The following CNTNAP5 variants were observed in gnomAD, a reference collection of about 807,000 sequenced individuals.
CNTNAP5 encodes contactin-associated protein-like 5.
CNTNAP5 carries 72 observed loss-of-function variants against 150.2 expected under a neutral mutation model. That is an observed-to-expected ratio of 0.48 (90% confidence interval 0.40 to 0.58). The LOEUF is 0.58. Among genes scored for constraint, CNTNAP5 ranks in the 20% least tolerant of loss-of-function variants. The pLI is 0.00. For synonymous variants in CNTNAP5, 672 were observed against 619.8 expected (o/e 1.08, Z -1.25); for missense variants, 1,636 against 1,626.2 (o/e 1.01, Z -0.10).
rs1558827798 is a variant in CNTNAP5, at chr2:124,920,954, C to G, written c.*6666C>G. On this transcript the variant is annotated 3_prime_UTR_variant, in exon 24 of 24. Transcript: ENST00000682447. ...ATGGTAAAAGCACAAAACAGGTCAT[C>G]TTTTTGTGGAAATGCTGGAGTCTAC... Among the ~76,000 whole-genome samples the G allele has an allele frequency of 1.3e-5, 2 of 152,082 alleles. No individual in the cohort carries two copies.
intron 13 of CNTNAP5, among the ~76,000 whole-genome samples, chr2:124,741,866 C>T (rs1007779013): frequency 6.6e-6 from 1 of 152,134 alleles, no homozygotes; most frequent in Non-Finnish European, 1.5e-5. Context: ...ACATTCCCTC[C>T]CCAAACTTAC....
At chr2:124,245,623 G>GTA (rs1211889157) in intron 3 of CNTNAP5, among the ~76,000 whole-genome samples, 2 of 150,244 alleles carry the variant, frequency 1.3e-5, no homozygotes, top group Admixed American at 6.7e-5. Flanking sequence ...GCATGTGTGT[G>GTA]TATATATATG....
At chr2:124,698,375 T>TACACACACACACACAC (rs59897587) in intron 13 of CNTNAP5, among the ~76,000 whole-genome samples, 1,474 of 147,378 alleles carry the variant, frequency 0.01, 11 homozygotes, top group African/African-American at 0.021. Flanking sequence ...GACGAGAGGA[T>TACACACACACACACAC]ACACACACAC....
chr2:124,837,453 G>A (rs146847093), intron 19 of CNTNAP5, among the ~76,000 whole-genome samples: 1 of 152,162 alleles, frequency 6.6e-6, no homozygotes, highest in Non-Finnish European at 1.5e-5. Context: ...TCCAACATTG[G>A]CGAAAATAAT....
intron 19 of CNTNAP5, among the ~76,000 whole-genome samples, chr2:124,808,235 T>G (rs763331599): frequency 2.0e-5 from 3 of 152,180 alleles, no homozygotes; most frequent in Non-Finnish European, 4.4e-5. Context: ...TTACATGTGA[T>G]AAATGTATGT....
intron 10 of CNTNAP5, among the ~76,000 whole-genome samples, chr2:124,535,606 C>CAA (rs1168717177): frequency 0.27 from 20,302 of 75,740 alleles, 2,070 homozygotes; most frequent in Non-Finnish European, 0.34. Flanking sequence ...TACTGAAATA[C>CAA]AAAAAAAAAA....
chr2:124,124,439 G>T (rs1309838931), intron 1 of CNTNAP5, among the ~76,000 whole-genome samples: 2 of 152,216 alleles, frequency 1.3e-5, no homozygotes, highest in African/African-American at 4.8e-5. Flanking sequence ...ACGTCTGATT[G>T]GTGTACCTAA....
intron 8 of CNTNAP5, among the ~76,000 whole-genome samples, chr2:124,517,176 T>TGTTGTGGTGTTGGTGGTGGAGG (rs1294769142): frequency 7.2e-6 from 1 of 139,094 alleles, no homozygotes; most frequent in Non-Finnish European, 1.6e-5. Context: ...GGTGATGGAG[T>TGTTGTGGTGTTGGTGGTGGAGG]GTTGTGGTGT....
intron 12 of CNTNAP5, among the ~76,000 whole-genome samples, chr2:124,637,496 G>A (rs186897037): frequency 8.5e-5 from 13 of 152,270 alleles, no homozygotes; most frequent in Admixed American, 5.9e-4. Context: ...GATGCTTCTC[G>A]CTATCATTTG....
chr2:124,054,872 C>T (rs1681803083), intron 1 of CNTNAP5, among the ~76,000 whole-genome samples: 1 of 152,158 alleles, frequency 6.6e-6, no homozygotes, highest in African/African-American at 2.4e-5. Context: ...ATTATTCCAG[C>T]TAGCAGGGCA....
chr2:124,912,071 C>A (rs965085861), intron 23 of CNTNAP5, among the ~76,000 whole-genome samples: 5 of 152,030 alleles, frequency 3.3e-5, no homozygotes, highest in African/African-American at 1.2e-4. Context: ...CTCAGCTCTC[C>A]TGCTTTTCCA....
In CNTNAP5 at chr2:124,570,556, T is replaced by TTGTTGGTTTCATTTTAG. The variant is rs1553480755; in HGVS notation, c.1756+7239_1756+7240insTTTCATTTTAGTGTTGG. Reference sequence around the variant, plus strand: ...TGGCCAACTAAGAGCCAGCCACAGTTTGTTGGGGATCGGGTTGCTAATATT... The same window carrying TTGTTGGTTTCATTTTAG: ...TGGCCAACTAAGAGCCAGCCACAGTTTGTTGGTTTCATTTTAGTGTTGGGGATCGGGTTGCTAATATT... On this transcript the variant is annotated intron_variant, in intron 11 of 23. Coordinates refer to ENST00000682447, the MANE Select transcript of CNTNAP5 (RefSeq NM_001367498.1). Among the ~76,000 whole-genome samples the TTGTTGGTTTCATTTTAG allele has an allele frequency of 6.2e-3, 856 of 138,250 alleles. 7 individuals are homozygous for TTGTTGGTTTCATTTTAG. Among genetic ancestry groups the TTGTTGGTTTCATTTTAG allele is most frequent in the African/African-American group, 0.027 (807 of 30,354 alleles). The allele number at this position is 138,250 out of a possible 152,430, so 90.7% of individuals were successfully genotyped here. A position where few individuals can be genotyped will look rare whatever the true frequency, so the allele number is the denominator to read the frequency against.
intron 10 of CNTNAP5, among the ~76,000 whole-genome samples, chr2:124,536,441 G>A (rs1573443749): frequency 6.6e-6 from 1 of 151,988 alleles, no homozygotes; most frequent in South Asian, 2.1e-4. Flanking sequence ...GGGGGCCGGG[G>A]CATCTGTGTT....
intron 13 of CNTNAP5, among the ~76,000 whole-genome samples, chr2:124,739,980 A>G (rs1441501191): frequency 2.0e-5 from 3 of 152,084 alleles, no homozygotes; most frequent in East Asian, 3.9e-4. Context: ...TAAAGTTTAT[A>G]TCACTCACGT....
chr2:124,888,722 G>A (rs1428426682), intron 21 of CNTNAP5, among the ~76,000 whole-genome samples: 2 of 151,956 alleles, frequency 1.3e-5, no homozygotes, highest in African/African-American at 4.8e-5. Context: ...TTTTTCATAA[G>A]TCTGTCACTT....
intron 2 of CNTNAP5, among the ~76,000 whole-genome samples, chr2:124,227,741 G>A (rs570898198): frequency 6.0e-5 from 9 of 150,222 alleles, no homozygotes; most frequent in African/African-American, 2.2e-4. Context: ...GTATTTTTTG[G>A]GAACTGTGTA....
chr2:124,713,318 C>CCTTTCTTTCTTTCTTTCTTTCTTT (rs200942591), intron 13 of CNTNAP5, among the ~76,000 whole-genome samples: 11 of 43,964 alleles, frequency 2.5e-4, no homozygotes, highest in Middle Eastern at 0.012. Flanking sequence ...CTCTTTCTTT[C>CCTTTCTTTCTTTCTTTCTTTCTTT]CTTTCTTTCT....
intron 1 of CNTNAP5, among the ~76,000 whole-genome samples, chr2:124,142,670 G>T (rs1159508607): frequency 1.6e-5 from 2 of 128,478 alleles, no homozygotes; most frequent in Non-Finnish European, 3.3e-5. Context: ...AGCACTAAAT[G>T]CCTACAAGAG....
Position 124,274,068 on chromosome 2 carries a change from C to A in CNTNAP5, c.381+31675C>A, listed in dbSNP as rs150135409. Among the ~76,000 whole-genome samples the A allele has an allele frequency of 2.0e-5, 3 of 152,260 alleles. No homozygotes were observed. In the East Asian group the frequency reaches 5.8e-4, roughly 29 times the overall value. Reference sequence around the variant, plus strand: ...ACATCAACTTAGCAATATATTTAAGCAAATGTACCCCAGATATTATTATTT... The same window carrying A: ...ACATCAACTTAGCAATATATTTAAGAAAATGTACCCCAGATATTATTATTT... On this transcript the variant is annotated intron_variant, in intron 3 of 23. Transcript: ENST00000682447.
Sources: gnomAD v4.1 joint callset for allele counts (sites outside exome capture counted in the v4.1 genomes callset) on GRCh38, gnomAD v4.1.1 for gene constraint, MANE v1.5 for transcripts, NCBI Gene and HGNC (gene_info 2026-07-23, HGNC 2026-07-21) for gene names.